DOCK7: variants seen among roughly 807,000 people sequenced by gnomAD.
DOCK7 encodes the protein dedicator of cytokinesis protein 7.
Under a neutral mutation model 271.0 loss-of-function variants are expected in DOCK7, and 138 were observed. The observed-to-expected ratio is 0.51, with a 90% CI of 0.44 to 0.59. The LOEUF (loss-of-function observed/expected upper bound fraction) is 0.59, where lower values mean the gene tolerates loss of function less well. Among genes scored for constraint, DOCK7 ranks in the 20% least tolerant of loss-of-function variants. DOCK7 has a pLI of 0.00. For missense variants in DOCK7, 2,066 were observed against 2,592.4 expected (o/e 0.80, Z 4.41); for synonymous variants, 823 against 876.1 (o/e 0.94, Z 1.07).
At chr1:62,641,600 TG>T in intron 7 of DOCK7, 1 of 472,016 alleles carries the variant, frequency 2.1e-6, no homozygotes, top group Non-Finnish European at 4.3e-6. Context: ...GCCAGAAATG[TG>T]GATGCCCTCG....
In DOCK7 at chr1:62,555,925, C is replaced by T. The variant is rs747438881; in HGVS notation, c.2496G>A (p.Leu832=). 9.9e-6 allele frequency: 16 copies of T among 1,613,766 alleles called. No individual in the cohort carries two copies. The highest frequency in any genetic ancestry group is 1.4e-5 in the Non-Finnish European group (16 of 1,179,884). ...ASIINRLHKN[L]EGNHDQHGRN... Reference sequence around the variant, plus strand: ...TGCCATGCTGGTCATGATTTCCTTCCAAGTTTTTGTGAAGTCGATTTATAA... The same window carrying T: ...TGCCATGCTGGTCATGATTTCCTTCTAAGTTTTTGTGAAGTCGATTTATAA... The change falls in exon 21 of 50, where the codon TTG becomes TTA. Residue 832 remains leucine, a synonymous_variant. Coordinates refer to ENST00000635253, the MANE Select transcript of DOCK7 (RefSeq NM_001367561.1).
intron 42 of DOCK7, 54 bp from the exon 43 acceptor site, chr1:62,487,466 C>A: frequency 1.3e-6 from 2 of 1,530,280 alleles, no homozygotes; most frequent in South Asian, 1.1e-5. Context: ...TTTGAAAGAA[C>A]AAAAAAGGCC....
At chr1:62,645,164 T>C (rs749057519) in intron 7 of DOCK7, among the ~76,000 whole-genome samples, 29 of 152,166 alleles carry the variant, frequency 1.9e-4, no homozygotes, top group Non-Finnish European at 3.2e-4. Flanking sequence ...AAGTTAAACA[T>C]GGAGTTACTA....
At chr1:62,684,718 T>C (rs978146586) in intron 1 of DOCK7, among the ~76,000 whole-genome samples, 1 of 152,156 alleles carries the variant, frequency 6.6e-6, no homozygotes, top group Non-Finnish European at 1.5e-5. Flanking sequence ...ATGGGCCTTA[T>C]CCTCAAAAAG....
intron 21 of DOCK7, among the ~76,000 whole-genome samples, chr1:62,554,888 A>C (rs1347861233): frequency 6.6e-6 from 1 of 152,238 alleles, no homozygotes; most frequent in Non-Finnish European, 1.5e-5. Context: ...TTAAGTAAAG[A>C]AATAAATTGG....
intron 1 of DOCK7, among the ~76,000 whole-genome samples, chr1:62,669,016 C>T (rs1456931589): frequency 6.6e-6 from 1 of 151,514 alleles, no homozygotes; most frequent in Admixed American, 6.6e-5. Context: ...GGCAAATAAA[C>T]TTCAAGAGGT....
At chr1:62,685,474 T>A (rs1381200370) in intron 1 of DOCK7, among the ~76,000 whole-genome samples, 12 of 152,218 alleles carry the variant, frequency 7.9e-5, no homozygotes, top group Non-Finnish European at 1.8e-4. Context: ...AGCAGTTCTG[T>A]CTTTGGTATT....
intron 7 of DOCK7, among the ~76,000 whole-genome samples, chr1:62,638,661 T>A (rs916573609): frequency 1.3e-5 from 2 of 149,138 alleles, no homozygotes; most frequent in African/African-American, 4.9e-5. Flanking sequence ...GAATATATAT[T>A]TTCATGAATA....
At chr1:62,597,954 G>A in intron 14 of DOCK7, 1 of 1,551,746 alleles carries the variant, frequency 6.4e-7, no homozygotes, top group Non-Finnish European at 8.6e-7. Flanking sequence ...CCTCCTAGAA[G>A]AAAAAATTCT....
At chr1:62,522,798 T>C (rs2149359056) in intron 31 of DOCK7, among the ~76,000 whole-genome samples, 1 of 152,264 alleles carries the variant, frequency 6.6e-6, no homozygotes, top group South Asian at 2.1e-4. Context: ...TATCACTTTA[T>C]CATTTATTTT....
intron 14 of DOCK7, among the ~76,000 whole-genome samples, chr1:62,616,202 C>T (rs1427214886): frequency 4.6e-5 from 7 of 151,768 alleles, no homozygotes; most frequent in Non-Finnish European, 1.0e-4. Flanking sequence ...GAGAAAACAA[C>T]GTGCTGCCTT....
chr1:62,504,953 G>C (rs970698056), intron 36 of DOCK7, among the ~76,000 whole-genome samples, 171 bp from the exon 37 acceptor site: 2 of 152,178 alleles, frequency 1.3e-5, no homozygotes, highest in African/African-American at 4.8e-5. Context: ...AACTGGGTTC[G>C]AATGCTCATT....
intron 27 of DOCK7, among the ~76,000 whole-genome samples, chr1:62,539,094 C>T (rs915059961): frequency 1.3e-5 from 2 of 152,122 alleles, no homozygotes; most frequent in Non-Finnish European, 2.9e-5. Flanking sequence ...GAACATATGG[C>T]AAATGGGTAA....
chr1:62,675,019 A>G (rs1660391849), intron 1 of DOCK7, among the ~76,000 whole-genome samples: 1 of 152,222 alleles, frequency 6.6e-6, no homozygotes, highest in African/African-American at 2.4e-5. Context: ...CAAGCCAAAC[A>G]AGGAGACAAT....
rs527256638 is a variant in DOCK7 at position 62,513,566 on chromosome 1, T to C, written c.4160A>G (p.Lys1387Arg). The C allele has an allele frequency of 6.2e-7, 1 of 1,614,012 alleles. No homozygotes were observed. The highest frequency in any genetic ancestry group is 8.5e-7 in the Non-Finnish European group (1 of 1,180,014). Residue 1387 changes from lysine (K) to arginine (R), a missense_variant, in exon 33 of 50, where the codon AAG (lysine) becomes AGG (arginine). Lys to Arg is a conservative substitution (Grantham distance 26, BLOSUM62 2). This residue lies in a region of DOCK7 where 652 missense variants were observed against 922.1 expected (regional missense o/e 0.71). Transcript: ENST00000635253. ...CTTTGCTCTCATGTCTTTTGATTTC[T>C]TAAAGGTCAAGCTATTCATTCGTTC... ...VFERMNSLTFKKSKDMRAKLE... is the reference protein window; with the variant it reads ...VFERMNSLTFRKSKDMRAKLE...
intron 1 of DOCK7, among the ~76,000 whole-genome samples, chr1:62,678,806 A>T (rs1660805707): frequency 6.6e-6 from 1 of 152,204 alleles, no homozygotes; most frequent in East Asian, 1.9e-4. Flanking sequence ...GACCAATGGA[A>T]CAAAACAGAG....
In DOCK7 at chr1:62,648,532, C is replaced by T; in HGVS notation, c.402G>A (p.Leu134=). 7.5e-7 allele frequency: 1 copy of T among 1,336,628 alleles called. No homozygotes were observed. The allele number at this position is 1,336,628 out of a possible 1,614,324, so 82.8% of individuals were successfully genotyped here. ...WAIVIRKYHK[L]GTGFNPNTLD... ...ATGTATTGGGATTAAATCCTGTTCC[C>T]AATTTATGATATCTATTAAAGAAAA... The change falls in exon 5 of 50, where the codon TTG becomes TTA. Residue 134 remains leucine (L), a synonymous_variant. Coordinates refer to ENST00000635253, the MANE Select transcript of DOCK7 (RefSeq NM_001367561.1).
At chr1:62,522,609 A>G (rs1190295382) in intron 31 of DOCK7, among the ~76,000 whole-genome samples, 1 of 152,114 alleles carries the variant, frequency 6.6e-6, no homozygotes, top group Non-Finnish European at 1.5e-5. Context: ...TGAAATGTTG[A>G]AAGTTTTACC....
intron 37 of DOCK7, among the ~76,000 whole-genome samples, chr1:62,497,721 C>A (rs563395089): frequency 4.3e-4 from 66 of 152,304 alleles, no homozygotes; most frequent in African/African-American, 1.5e-3. Context: ...CTAACCTCTA[C>A]CTAGCACCAC....
Sources: gnomAD v4.1 joint callset for allele counts (sites outside exome capture counted in the v4.1 genomes callset) on GRCh38, gnomAD v4.1.1 for gene constraint, gnomAD v4.1.1 regional missense constraint, MANE v1.5 for transcripts, NCBI Gene and HGNC (gene_info 2026-07-23, HGNC 2026-07-21) for gene names.